CCDC192: variants seen among roughly 807,000 people sequenced by gnomAD.
CCDC192 encodes coiled-coil domain containing 192.
intron 5 of CCDC192, among the ~76,000 whole-genome samples, chr5:127,856,600 T>A (rs1377422819): frequency 1.3e-5 from 2 of 152,248 alleles, no homozygotes; most frequent in African/African-American, 4.8e-5. Flanking sequence ...CCTTCCTCAC[T>A]AAGCTTAATC....
At chr5:127,756,888 C>G (rs1754630660) in intron 3 of CCDC192, among the ~76,000 whole-genome samples, 1 of 152,238 alleles carries the variant, frequency 6.6e-6, no homozygotes, top group South Asian at 2.1e-4. Flanking sequence ...CTCTCACTGT[C>G]ATAATTTCCT....
chr5:127,702,631 A>C (rs1750753319), upstream of CCDC192, among the ~76,000 whole-genome samples: 1 of 152,208 alleles, frequency 6.6e-6, no homozygotes, highest in South Asian at 2.1e-4. Context: ...AGTCTAATTT[A>C]TTTTAGGATG....
rs1751881802 is a variant in CCDC192, at chr5:127,719,568, C to CT, written c.114+11808_114+11809insT. 6.8e-4 allele frequency among the ~76,000 whole-genome samples: 13 copies of CT among 19,056 alleles called. No individual in the cohort carries two copies. In the South Asian group the frequency reaches 0.012, roughly 18 times the overall value. The allele number at this position is 19,056 out of a possible 152,430, so 12.5% of individuals were successfully genotyped here. A position where few individuals can be genotyped will look rare whatever the true frequency, so the allele number is the denominator to read the frequency against. On this transcript the variant is annotated intron_variant, in intron 2 of 6. Coordinates refer to ENST00000514853, the MANE Select transcript of CCDC192 (RefSeq NM_001317938.2). ...ATATATATATATATATACACACATA[C>CT]ATATATATATATACCAAGCAGTGGG...
At chr5:127,885,013 C>A (rs1176726111) in intron 6 of CCDC192, among the ~76,000 whole-genome samples, 1 of 152,100 alleles carries the variant, frequency 6.6e-6, no homozygotes, top group Admixed American at 6.6e-5. Flanking sequence ...AGGTCCCCTC[C>A]CTCCTTTGTT....
At chr5:127,912,175 C>A (rs1176066948) in intron 6 of CCDC192, among the ~76,000 whole-genome samples, 15 of 151,532 alleles carry the variant, frequency 9.9e-5, no homozygotes, top group Admixed American at 9.9e-4. Context: ...CATGATCCAC[C>A]CATCTCAGCC....
chr5:127,834,960 A>G (rs1343600712), intron 5 of CCDC192, among the ~76,000 whole-genome samples: 1 of 152,226 alleles, frequency 6.6e-6, no homozygotes, highest in Non-Finnish European at 1.5e-5. Context: ...TAAACTTGAC[A>G]TGAAAATATT....
chr5:127,747,189 C>T (rs1753809717), intron 2 of CCDC192, among the ~76,000 whole-genome samples: 1 of 151,502 alleles, frequency 6.6e-6, no homozygotes, highest in Non-Finnish European at 1.5e-5. Flanking sequence ...ATGTGCCATG[C>T]TGGTGTGCTG....
chr5:127,845,802 A>G (rs1201695287), intron 5 of CCDC192, among the ~76,000 whole-genome samples: 2 of 152,216 alleles, frequency 1.3e-5, no homozygotes, highest in African/African-American at 4.8e-5. Context: ...TGTATGTGCT[A>G]TACATATTAA....
At chr5:127,817,174 G>A (rs563037400) in intron 5 of CCDC192, among the ~76,000 whole-genome samples, 22 of 152,268 alleles carry the variant, frequency 1.4e-4, no homozygotes, top group Admixed American at 1.0e-3. Flanking sequence ...TGCCTTGGAG[G>A]AAATAGTGAC....
chr5:127,894,187 A>ATTTTTTTT (rs70997350), intron 6 of CCDC192, among the ~76,000 whole-genome samples: 5 of 111,022 alleles, frequency 4.5e-5, no homozygotes, highest in East Asian at 2.2e-4. Flanking sequence ...GTCCTATCTA[A>ATTTTTTTT]TTTTTTTTTT....
chr5:127,705,485 G>T (rs982358775), intron 1 of CCDC192, among the ~76,000 whole-genome samples: 1 of 152,098 alleles, frequency 6.6e-6, no homozygotes, highest in Non-Finnish European at 1.5e-5. Flanking sequence ...AAAAACAAAC[G>T]AAGCACAGTC....
At chr5:127,754,472 T>TACACACAC in intron 3 of CCDC192, 97 bp downstream of exon 3, 1 of 326,792 alleles carries the variant, frequency 3.1e-6, no homozygotes, top group Non-Finnish European at 5.5e-6. Flanking sequence ...CCTCTACTGA[T>TACACACAC]ACACACACAC....
At chr5:127,894,182 A>G (rs924258654) in intron 6 of CCDC192, among the ~76,000 whole-genome samples, 6 of 145,382 alleles carry the variant, frequency 4.1e-5, no homozygotes, top group Admixed American at 1.4e-4. Context: ...CTTTAGTCCT[A>G]TCTAATTTTT....
chr5:127,892,442 G>T (rs553502323), intron 6 of CCDC192, among the ~76,000 whole-genome samples: 11 of 152,274 alleles, frequency 7.2e-5, no homozygotes, highest in African/African-American at 2.6e-4. Context: ...AATTGGTTTA[G>T]TATCTAAGAT....
rs150813333 is a variant in CCDC192, at chr5:127,714,951, C to A, written c.114+7191C>A. ...GAAATGTCTATTTAGGTCTTTTGCCCATTTATAATGAAATTATTAGGTTTT... is the reference window on the plus strand; with the variant it reads ...GAAATGTCTATTTAGGTCTTTTGCCAATTTATAATGAAATTATTAGGTTTT... On this transcript the variant is annotated intron_variant, in intron 2 of 6. Transcript: ENST00000514853. Among the ~76,000 whole-genome samples, 458 of 138,622 alleles carry A rather than the reference C, an allele frequency of 3.3e-3. 3 individuals are homozygous for A. The highest frequency in any genetic ancestry group is 0.011 in the African/African-American group (421 of 36,764). The allele number at this position is 138,622 out of a possible 152,430, so 90.9% of individuals were successfully genotyped here. A position where few individuals can be genotyped will look rare whatever the true frequency, so the allele number is the denominator to read the frequency against.
At chr5:127,930,311 A>G (rs1037271598) in intron 6 of CCDC192, among the ~76,000 whole-genome samples, 15 of 152,252 alleles carry the variant, frequency 9.9e-5, no homozygotes, top group South Asian at 2.1e-4. Context: ...CTTTGAGTCC[A>G]TACTGATTCA....
intron 5 of CCDC192, among the ~76,000 whole-genome samples, chr5:127,830,347 A>G (rs1320556411): frequency 6.6e-6 from 1 of 152,236 alleles, no homozygotes; most frequent in East Asian, 1.9e-4. Context: ...GAGGGCTGCC[A>G]TAACAACATG....
intron 5 of CCDC192, among the ~76,000 whole-genome samples, chr5:127,818,930 A>G (rs908140325): frequency 6.6e-6 from 1 of 152,204 alleles, no homozygotes; most frequent in Non-Finnish European, 1.5e-5. Flanking sequence ...AGGTCATGAC[A>G]TCTTCTTGCT....
At chr5:127,882,179 C>T (rs557151112) in intron 6 of CCDC192, among the ~76,000 whole-genome samples, 14 of 152,296 alleles carry the variant, frequency 9.2e-5, no homozygotes, top group African/African-American at 3.4e-4. Context: ...GAGGGGAAGC[C>T]TGTAATGGGA....
Sources: allele counts gnomAD v4.1 joint callset (sites outside exome capture counted in the v4.1 genomes callset), GRCh38; gene constraint gnomAD v4.1.1; transcripts MANE v1.5; gene names NCBI Gene and HGNC (gene_info 2026-07-23, HGNC 2026-07-21).